The following ABCC5 variants were observed in gnomAD, a reference collection of about 807,000 sequenced individuals.
The protein encoded by ABCC5 is ATP-binding cassette sub-family C member 5.
In ABCC5, 61 loss-of-function variants were observed where a neutral mutation model predicts 160.9. That is an observed-to-expected ratio of 0.38 (90% CI 0.31 to 0.47). The LOEUF (loss-of-function observed/expected upper bound fraction) is 0.47. Among genes scored for constraint, ABCC5 ranks in the 20% least tolerant of loss-of-function variants. The pLI is 0.99. For synonymous variants in ABCC5, 666 were observed against 700.6 expected, an observed-to-expected ratio of 0.95 and a Z score of 0.78; for missense variants, 1,308 against 1,813.3, an observed-to-expected ratio of 0.72 and a Z score of 5.06.
intron 17 of ABCC5, among the ~76,000 whole-genome samples, chr3:183,957,304 G>A (rs1178419456): frequency 9.2e-6 from 1 of 108,432 alleles, no homozygotes; most frequent in Non-Finnish European, 2.0e-5. Context: ...ATGCGGATCC[G>A]TGTGTAAATC....
Position 183,982,839 on chromosome 3 carries a change from TG to T in ABCC5, c.759del (p.Ile254SerfsTer2). 6.2e-7 allele frequency: 1 copy of T among 1,614,234 alleles called. No homozygotes were observed. Among genetic ancestry groups the T allele is most frequent in the Non-Finnish European group, 8.5e-7 (1 of 1,180,034 alleles). ...ATCTTCTTAAATGCCATGGTTAGGA[TG>T]GCCCCCCGCAAGCGGACACCGGTTC... ...NYRTGVRLRG[A>X]ILTMAFKKIL... On this transcript the variant is annotated frameshift_variant, in exon 6 of 30. Coordinates refer to ENST00000334444, the MANE Select transcript of ABCC5 (RefSeq NM_005688.4). LOFTEE classifies it high-confidence loss of function. This position sits in a 1 kb window ranked among gnomAD's most constrained non-coding sequence, Gnocchi z 5.2.
At position 183,921,242 on chromosome 3, in the gene ABCC5, GC is replaced by G; in HGVS notation, c.*57del. On this transcript the variant is annotated 3_prime_UTR_variant, in exon 30 of 30. Coordinates refer to ENST00000334444, the MANE Select transcript of ABCC5 (RefSeq NM_005688.4). The surrounding 1 kb of genome is among the most constrained non-coding windows in gnomAD (Gnocchi z 4.1). ...GGTAGGAGGACGCGATGAGGGGCCC[GC>G]CCCAGGCAGGGAATGGCAATGCTCT... 1 of 1,028,560 alleles carries G rather than the reference GC, an allele frequency of 9.7e-7. No individual in the cohort carries two copies. Among genetic ancestry groups the G allele is most frequent in the Non-Finnish European group, 1.5e-6 (1 of 677,080 alleles). 63.7% of individuals were successfully genotyped at this position (1,028,560 alleles called of 1,614,324 possible). A position where few individuals can be genotyped will look rare whatever the true frequency, so the allele number is the denominator to read the frequency against.
rs1415817753 is a variant in ABCC5 at position 183,982,187 on chromosome 3, C to T, written c.999+264G>A. On this transcript the variant is annotated intron_variant, in intron 7 of 29. Coordinates refer to ENST00000334444, the MANE Select transcript of ABCC5 (RefSeq NM_005688.4). The surrounding 1 kb of genome is among the most constrained non-coding windows in gnomAD (Gnocchi z 5.2). The stretch of plus-strand genomic sequence containing the variant: ...CTTAGCACCAACTCCAACGCAGTGA[C>T]TCAAACACTCCTATGTCAAGTGGGA... 6.6e-6 allele frequency among the ~76,000 whole-genome samples: 1 copy of T among 152,096 alleles called. No homozygotes were observed. Among genetic ancestry groups the T allele is most frequent in the Non-Finnish European group, 1.5e-5 (1 of 68,022 alleles).
chr3:183,999,110 A>G (rs1720535967), intron 2 of ABCC5, among the ~76,000 whole-genome samples: 1 of 151,900 alleles, frequency 6.6e-6, no homozygotes, highest in Non-Finnish European at 1.5e-5. Context: ...AAGAAAAAAA[A>G]AAAGAAACAT....
At chr3:183,994,522 CCCA>C (rs1311115551) in intron 2 of ABCC5, among the ~76,000 whole-genome samples, 1 of 152,090 alleles carries the variant, frequency 6.6e-6, no homozygotes, top group East Asian at 1.9e-4. Context: ...ATTACAGATG[CCCA>C]CCACCACGCC....
Position 183,962,622 on chromosome 3 carries a change from C to G in ABCC5, c.2235+763G>C, listed in dbSNP as rs1020344439. ...TCGCAGCTCACTTTAACCTCCACCT[C>G]CTGGGTTCAAGGGATTCTCCTGCCT... is the stretch of plus-strand genomic sequence containing the variant. On this transcript the variant is annotated intron_variant, in intron 15 of 29. Transcript: ENST00000334444. 4.0e-5 allele frequency among the ~76,000 whole-genome samples: 6 copies of G among 151,830 alleles called. No homozygotes were observed. In the Middle Eastern group the frequency reaches 0.01, roughly 258 times the overall value.
intron 8 of ABCC5, among the ~76,000 whole-genome samples, chr3:183,979,323 T>C (rs1024887099): frequency 7.5e-6 from 1 of 132,972 alleles, no homozygotes; most frequent in Non-Finnish European, 1.6e-5. Flanking sequence ...CCAGACTGGG[T>C]GACAAAGCCA....
At chr3:184,003,686 T>TCCA (rs1720939111) in intron 2 of ABCC5, among the ~76,000 whole-genome samples, 1 of 152,106 alleles carries the variant, frequency 6.6e-6, no homozygotes, top group Non-Finnish European at 1.5e-5. Flanking sequence ...CAAACATATC[T>TCCA]CCACCACCAC....
chr3:183,994,855 G>T (rs200518216), intron 2 of ABCC5, among the ~76,000 whole-genome samples: 88 of 109,702 alleles, frequency 8.0e-4, no homozygotes, highest in East Asian at 1.4e-3. Flanking sequence ...CATTTTCTAT[G>T]TTTTTTTTTT....
chr3:184,009,981 CA>C, intron 2 of ABCC5: 4 of 428,470 alleles, frequency 9.3e-6, no homozygotes, highest in Admixed American at 2.5e-5. Flanking sequence ...AGTGCCTCTA[CA>C]AAAAAACAAA....
At chr3:183,964,004 A>G (rs1459520677) in intron 14 of ABCC5, among the ~76,000 whole-genome samples, 1 of 152,172 alleles carries the variant, frequency 6.6e-6, no homozygotes, top group Non-Finnish European at 1.5e-5. Flanking sequence ...ACCCTTTGTC[A>G]CCCAGTTCCC....
chr3:184,009,324 C>T lies in ABCC5; in HGVS notation c.129+4940G>A, dbSNP rs187221042. Among the ~76,000 whole-genome samples the T allele has an allele frequency of 3.8e-3, 576 of 152,242 alleles. 3 individuals carry two copies. The highest frequency in any genetic ancestry group is 0.031 in the Middle Eastern group (9 of 294). ...TTTGACAGATAGTAGGCATACCTGG[C>T]ATCCTGGGAGATCCTGTCCCAGATT... On this transcript the variant is annotated intron_variant, in intron 2 of 29. Transcript: ENST00000334444.
intron 17 of ABCC5, among the ~76,000 whole-genome samples, chr3:183,958,057 G>A (rs1245827563): frequency 1.3e-5 from 2 of 151,992 alleles, no homozygotes; most frequent in African/African-American, 4.8e-5. Context: ...AATCACATCG[G>A]TTACATGCAG....
At chr3:183,989,741 T>C (rs930932378) in intron 2 of ABCC5, among the ~76,000 whole-genome samples, 7 of 152,302 alleles carry the variant, frequency 4.6e-5, no homozygotes, top group South Asian at 4.1e-4. Flanking sequence ...TTTGTTACAA[T>C]TGATGAGCCA....
intron 25 of ABCC5, among the ~76,000 whole-genome samples, chr3:183,940,099 G>A (rs189474364): frequency 2.4e-4 from 37 of 152,260 alleles, no homozygotes; most frequent in African/African-American, 7.5e-4. Context: ...GGAAAAAGCT[G>A]TATTAGGACC....
At position 183,921,977 on chromosome 3, in the gene ABCC5, A is replaced by C. The variant is rs527476012; in HGVS notation, c.4213-576T>G. ...ACCCAGGAGGTGGAGGTTGCAGTGA[A>C]CTGAGATTGTACCACTGCATGCCAG... On this transcript the variant is annotated intron_variant, in intron 29 of 29. Coordinates refer to ENST00000334444, the MANE Select transcript of ABCC5 (RefSeq NM_005688.4). This position sits in a 1 kb window ranked among gnomAD's most constrained non-coding sequence, Gnocchi z 4.1. 6.7e-6 allele frequency among the ~76,000 whole-genome samples: 1 copy of C among 149,250 alleles called. No individual in the cohort carries two copies. Among genetic ancestry groups the C allele is most frequent in the Admixed American group, 6.7e-5 (1 of 15,016 alleles).
At position 183,925,587 on chromosome 3, in the gene ABCC5, A is replaced by G. The variant is rs751190571; in HGVS notation, c.4180T>C (p.Ser1394Pro). The G allele has an allele frequency of 6.2e-7, 1 of 1,613,866 alleles. No homozygotes were observed. The highest frequency in any genetic ancestry group is 1.7e-5 in the Admixed American group (1 of 59,974). ...IAHRLHTVLG[S>P]DRIMVLAQGQ... ...TGGGCCAGCACCATAATCCTATCGG[A>G]GCCTAGAACCGTGTGCAGGCGATGG... Residue 1394 changes from serine to proline, a missense_variant, in exon 29 of 30, where the codon TCC becomes CCC. Physicochemically the swap from Ser to Pro is moderately conservative, Grantham distance 74. This residue lies in a region of ABCC5 where 163 missense variants were observed against 269.7 expected (regional missense o/e 0.60). Coordinates refer to ENST00000334444, the MANE Select transcript of ABCC5 (RefSeq NM_005688.4).
intron 2 of ABCC5, among the ~76,000 whole-genome samples, chr3:184,007,068 T>C (rs1437934392): frequency 7.3e-6 from 1 of 137,278 alleles, no homozygotes; most frequent in Non-Finnish European, 1.5e-5. Context: ...TTCCCCAGGC[T>C]GGAGTGCAGT....
Position 183,972,521 on chromosome 3 carries a change from C to A in ABCC5, c.1405-602G>T, listed in dbSNP as rs555376689. ...AGCCTTGCCTTGGAACTTGAGAGTTCAAACAACCAAAGGAACAGGCTTGCA... is the reference window on the plus strand; with the variant it reads ...AGCCTTGCCTTGGAACTTGAGAGTTAAAACAACCAAAGGAACAGGCTTGCA... On this transcript the variant is annotated intron_variant, in intron 10 of 29. Coordinates refer to ENST00000334444, the MANE Select transcript of ABCC5 (RefSeq NM_005688.4). 3.7e-4 allele frequency among the ~76,000 whole-genome samples: 56 copies of A among 152,308 alleles called. 2 individuals are homozygous for A. The South Asian group carries it at 0.011, about 30-fold the overall frequency.
Sources: allele counts gnomAD v4.1 joint callset (sites outside exome capture counted in the v4.1 genomes callset), GRCh38; gene constraint gnomAD v4.1.1; regional missense constraint gnomAD v4.1.1; non-coding constraint Gnocchi (gnomAD v3.1); transcripts MANE v1.5; gene names NCBI Gene and HGNC (gene_info 2026-07-23, HGNC 2026-07-21).